Variants in KRABD1 observed in about 807,000 individuals in gnomAD.
KRABD1 encodes the protein KRAB domain-containing protein 1.
the KRABD1 span, among the ~76,000 whole-genome samples, chr3:42,942,240 C>T: frequency 9.2e-5 from 14 of 152,206 alleles, no homozygotes; most frequent in East Asian, 2.5e-3. Context: ...CCCTTTAAAG[C>T]GTAGTACACA....
chr3:42,937,130 C>G, the KRABD1 span: 1 of 152,176 alleles, frequency 6.6e-6, no homozygotes, highest in Non-Finnish European at 1.5e-5. Context: ...TTCTTGACCT[C>G]TTAACATTGT....
At chr3:42,941,984 GTC>G in the KRABD1 span, 2 of 1,535,882 alleles carry the variant, frequency 1.3e-6, no homozygotes, top group South Asian at 2.4e-5. Context: ...ACCAGCTTTG[GTC>G]TCTCATCTGG....
At chr3:42,936,894 C>T in the KRABD1 span, 1 of 152,172 alleles carries the variant, frequency 6.6e-6, no homozygotes, top group South Asian at 2.1e-4. Context: ...GTACACCAGT[C>T]TTGAAACTTG....
chr3:42,942,656 A>G, the KRABD1 span: 5 of 1,079,256 alleles, frequency 4.6e-6, no homozygotes, highest in East Asian at 5.5e-5. Flanking sequence ...AATTCTTGAC[A>G]TTTAAATACC....
At chr3:42,937,371 A>G in the KRABD1 span, 5 of 152,150 alleles carry the variant, frequency 3.3e-5, no homozygotes, top group Non-Finnish European at 7.4e-5. Flanking sequence ...CCTCTGTTGT[A>G]GTTCTATTTC....
chr3:42,938,671 T>TCTA, the KRABD1 span: 1 of 417,076 alleles, frequency 2.4e-6, no homozygotes, highest in Non-Finnish European at 4.4e-6. Context: ...CGTGGATGAT[T>TCTA]CTACCTCCTT....
the KRABD1 span, chr3:42,936,765 C>T: frequency 6.6e-6 from 1 of 152,264 alleles, no homozygotes; most frequent in African/African-American, 2.4e-5. Flanking sequence ...TCGCTCCAGC[C>T]CCCTTGTCTT....
chr3:42,938,829 GT>G, the KRABD1 span: 92 of 1,179,218 alleles, frequency 7.8e-5, no homozygotes, highest in African/African-American at 7.3e-4. Flanking sequence ...TATCGTTAAT[GT>G]TTTTTTTCTT....
the KRABD1 span, among the ~76,000 whole-genome samples, chr3:42,939,643 T>G: frequency 6.6e-6 from 1 of 152,172 alleles, no homozygotes; most frequent in Admixed American, 6.5e-5. Flanking sequence ...TGCCCAACAA[T>G]TTTCCAAAAT....
the KRABD1 span, among the ~76,000 whole-genome samples, chr3:42,939,664 A>G: frequency 8.5e-5 from 13 of 152,190 alleles, no homozygotes; most frequent in East Asian, 2.5e-3. Flanking sequence ...GATTATTCCA[A>G]TTTATATTTC....
the KRABD1 span, chr3:42,937,318 G>GGAA: frequency 1.3e-5 from 2 of 152,292 alleles, no homozygotes; most frequent in Admixed American, 6.5e-5. Flanking sequence ...TTTCCCCATA[G>GGAA]GAAGACACTT....
chr3:42,942,349 T>G, the KRABD1 span, among the ~76,000 whole-genome samples: 2 of 152,234 alleles, frequency 1.3e-5, no homozygotes, highest in Non-Finnish European at 2.9e-5. Flanking sequence ...TGTGATCATT[T>G]TTTTCCAGTT....
chr3:42,940,705 C>T, the KRABD1 span, among the ~76,000 whole-genome samples: 14 of 152,064 alleles, frequency 9.2e-5, no homozygotes, highest in Non-Finnish European at 1.8e-4. Context: ...AGACAGGCTG[C>T]GGGTGGGAGT....
At chr3:42,942,092 C>G in the KRABD1 span, 10 of 1,454,922 alleles carry the variant, frequency 6.9e-6, no homozygotes, top group South Asian at 1.2e-5. Flanking sequence ...CAAGAGGGTT[C>G]TTCTCCAGCT....
At chr3:42,939,394 A>G in the KRABD1 span, among the ~76,000 whole-genome samples, 5 of 152,194 alleles carry the variant, frequency 3.3e-5, no homozygotes, top group Admixed American at 2.6e-4. Context: ...TGTTGCACAC[A>G]GCAGTGATTT....
the KRABD1 span, chr3:42,942,699 A>G: frequency 5.1e-6 from 3 of 585,268 alleles, no homozygotes; most frequent in Non-Finnish European, 8.5e-6. Context: ...TGTAAGAGCC[A>G]CCTTAAACGA....
the KRABD1 span, chr3:42,938,460 A>G: frequency 6.5e-4 from 102 of 155,952 alleles, 1 homozygote; most frequent in Admixed American, 4.4e-3. Flanking sequence ...ACTCATTCCT[A>G]TCTGTACTAC....
the KRABD1 span, chr3:42,937,539 A>C: frequency 6.6e-6 from 1 of 152,218 alleles, no homozygotes; most frequent in Non-Finnish European, 1.5e-5. Flanking sequence ...TAGATTCCAC[A>C]ATTACAAGGG....
At chr3:42,938,748 C>G in the KRABD1 span, 2 of 480,550 alleles carry the variant, frequency 4.2e-6, no homozygotes, top group East Asian at 5.8e-5. Flanking sequence ...AACTAATGAA[C>G]GGTTATTGAT....
Sources: allele counts gnomAD v4.1 joint callset (sites outside exome capture counted in the v4.1 genomes callset), GRCh38; gene constraint gnomAD v4.1.1; transcripts MANE v1.5; gene names NCBI Gene and HGNC (gene_info 2026-07-23, HGNC 2026-07-21).